Variants in DYM observed in about 807,000 individuals in gnomAD.
The protein encoded by DYM is dymeclin.
DYM carries 78 observed loss-of-function variants against 93.1 expected under a neutral mutation model. The ratio of observed to expected loss-of-function variants is 0.84; its 90% CI spans 0.70 to 1.01. The LOEUF (loss-of-function observed/expected upper bound fraction) is 1.01. Among genes scored for constraint, DYM ranks in the 50% least tolerant of loss-of-function variants. The pLI, the probability that DYM is intolerant of heterozygous loss-of-function variation, is 0.00. For missense variants in DYM, 789 were observed against 845.0 expected, an observed-to-expected ratio of 0.93 and a Z score of 0.82; for synonymous variants, 321 against 319.7, an observed-to-expected ratio of 1.00 and a Z score of -0.04.
intron 1 of DYM, among the ~76,000 whole-genome samples, chr18:49,442,454 G>A (rs2081723983): frequency 6.6e-6 from 1 of 152,062 alleles, no homozygotes; most frequent in Non-Finnish European, 1.5e-5. Context: ...GGGAGGCTGA[G>A]GTGAGAGGAT....
intron 17 of DYM, among the ~76,000 whole-genome samples, chr18:49,062,692 GA>G (rs1486953286): frequency 6.6e-6 from 1 of 152,254 alleles, no homozygotes; most frequent in Non-Finnish European, 1.5e-5. Flanking sequence ...ATTTGGAAAG[GA>G]AATAGGAGTC....
chr18:49,224,682 C>T (rs77140437), intron 13 of DYM, among the ~76,000 whole-genome samples: 1,636 of 152,144 alleles, frequency 0.011, 29 homozygotes, highest in African/African-American at 0.038. Flanking sequence ...GGTCAGTAAG[C>T]AGGTCCTCAC....
chr18:49,126,624 G>T (rs937058886), intron 15 of DYM: 1 of 150,946 alleles, frequency 6.6e-6, no homozygotes, highest in African/African-American at 2.4e-5. Flanking sequence ...CATGATTTGG[G>T]TGTCAGAATT....
chr18:49,083,339 T>G lies in DYM; in HGVS notation c.2025+14063A>C, dbSNP rs148630983. On this transcript the variant is annotated intron_variant, in intron 17 of 17. Coordinates refer to ENST00000675505, the MANE Select transcript of DYM (RefSeq NM_001353214.3). ...AGTTTTGGATATTAAACTAATTTTG[T>G]ATTCCTGGGATAAATCTGACTTGGT... Among the ~76,000 whole-genome samples the G allele has an allele frequency of 9.6e-3, 1,457 of 152,356 alleles. 12 individuals are homozygous for G. Among genetic ancestry groups the G allele is most frequent in the Non-Finnish European group, 0.013 (879 of 68,020 alleles).
At chr18:49,309,791 G>A (rs1440161829) in intron 8 of DYM, among the ~76,000 whole-genome samples, 4 of 152,154 alleles carry the variant, frequency 2.6e-5, no homozygotes, top group African/African-American at 7.2e-5. Context: ...AGGATCCTTA[G>A]GGGAATAATA....
At chr18:49,254,215 T>C (rs533595810) in intron 13 of DYM, among the ~76,000 whole-genome samples, 27 of 151,130 alleles carry the variant, frequency 1.8e-4, no homozygotes, top group Admixed American at 1.5e-3. Context: ...TTTTCTTTCA[T>C]TGTAATATTA....
chr18:49,279,093 G>A (rs1413030660), intron 10 of DYM, among the ~76,000 whole-genome samples: 1 of 152,190 alleles, frequency 6.6e-6, no homozygotes. Context: ...AAAAGAAAAT[G>A]TAAGAGTCAC....
chr18:49,256,259 T>C (rs1016893276), intron 13 of DYM, among the ~76,000 whole-genome samples: 3 of 152,076 alleles, frequency 2.0e-5, no homozygotes, highest in African/African-American at 7.2e-5. Context: ...GACTTTGAGA[T>C]GGAAGATAAT....
intron 8 of DYM, among the ~76,000 whole-genome samples, chr18:49,328,095 A>G (rs1189029454): frequency 6.6e-6 from 1 of 152,248 alleles, no homozygotes. Flanking sequence ...TCCATCATTA[A>G]AAAATTAAAA....
intron 10 of DYM, among the ~76,000 whole-genome samples, chr18:49,276,187 A>G (rs2094842671): frequency 6.6e-6 from 1 of 152,178 alleles, no homozygotes; most frequent in South Asian, 2.1e-4. Context: ...ACCATTAAAT[A>G]TGATGTGAGC....
rs116751850 is a variant in DYM, at chr18:49,114,594, T to G, written c.1911+4150A>C. 252 of 985,246 alleles carry G rather than the reference T, an allele frequency of 2.6e-4. No individual in the cohort carries two copies. The African/African-American group carries it at 4.1e-3, about 16-fold the overall frequency. The allele number at this position is 985,246 out of a possible 1,614,324, so 61.0% of individuals were successfully genotyped here. On this transcript the variant is annotated intron_variant, in intron 16 of 17. Transcript: ENST00000675505. ...TGTTTCAAATGGATGTAGTTTAAAT[T>G]CTTTGCATGGTTCTGTGTGTCCTGA...
At chr18:49,048,398 T>TA (rs1229004109) in intron 17 of DYM, 2 of 152,222 alleles carry the variant, frequency 1.3e-5, no homozygotes, top group African/African-American at 4.8e-5. Context: ...AATAACATCT[T>TA]ACATTTCGAT....
chr18:49,426,844 G>C (rs928545112), intron 2 of DYM, among the ~76,000 whole-genome samples: 1 of 151,646 alleles, frequency 6.6e-6, no homozygotes, highest in African/African-American at 2.4e-5. Context: ...AAAGGGAAAC[G>C]GGAAGTATAG....
At chr18:49,192,518 A>T (rs2091074915) in intron 14 of DYM, among the ~76,000 whole-genome samples, 1 of 152,138 alleles carries the variant, frequency 6.6e-6, no homozygotes, top group South Asian at 2.1e-4. Context: ...AACACCATTT[A>T]TTGAAGACAC....
At chr18:49,314,297 C>G (rs1326628467) in intron 8 of DYM, among the ~76,000 whole-genome samples, 1 of 152,102 alleles carries the variant, frequency 6.6e-6, no homozygotes, top group Non-Finnish European at 1.5e-5. Context: ...AAGAGTCATC[C>G]AGGTTTATAT....
At chr18:49,064,784 A>C (rs1166139121) in intron 17 of DYM, among the ~76,000 whole-genome samples, 2 of 151,606 alleles carry the variant, frequency 1.3e-5, no homozygotes, top group African/African-American at 2.4e-5. Flanking sequence ...AACTAAAATA[A>C]ATTTAGGTTT....
At position 49,393,034 on chromosome 18, in the gene DYM, A is replaced by AGGAGGAGGAGGGGAGGAGG. The variant is rs1292377042; in HGVS notation, c.141-1390_141-1389insCCTCCTCCCCTCCTCCTCC. On this transcript the variant is annotated intron_variant, in intron 2 of 17. Transcript: ENST00000675505. ...AAGAAGAAGAAGAGGAAGAAGGAGG[A>AGGAGGAGGAGGGGAGGAGG]GGAGGAGGAGGAGGAGGGGAGGAGG... Among the ~76,000 whole-genome samples the AGGAGGAGGAGGGGAGGAGG allele has an allele frequency of 1.4e-3, 133 of 96,436 alleles. 10 individuals are homozygous for AGGAGGAGGAGGGGAGGAGG. Among genetic ancestry groups the AGGAGGAGGAGGGGAGGAGG allele is most frequent in the South Asian group, 3.1e-3 (7 of 2,284 alleles). 63.3% of individuals were successfully genotyped at this position (96,436 alleles called of 152,430 possible). A position where few individuals can be genotyped will look rare whatever the true frequency, so the allele number is the denominator to read the frequency against.
rs996712692 is a variant in DYM at position 49,037,468 on chromosome 18, T to C, written c.*6587A>G. On this transcript the variant is annotated 3_prime_UTR_variant, in exon 18 of 18. Transcript: ENST00000675505. The stretch of plus-strand genomic sequence containing the variant: ...GAGGGAAGCAAGTGCTGAAAAACTT[T>C]CTATTGGGTACTATGTTCACTATCT... 6.6e-6 allele frequency among the ~76,000 whole-genome samples: 1 copy of C among 152,124 alleles called. No individual in the cohort carries two copies. Among genetic ancestry groups the C allele is most frequent in the Non-Finnish European group, 1.5e-5 (1 of 68,024 alleles).
At chr18:49,446,569 A>G (rs544486919) in intron 1 of DYM, among the ~76,000 whole-genome samples, 2 of 152,368 alleles carry the variant, frequency 1.3e-5, no homozygotes, top group East Asian at 3.9e-4. Flanking sequence ...TTATGGTTAC[A>G]TTAAGCACAA....
Sources: allele counts gnomAD v4.1 joint callset (sites outside exome capture counted in the v4.1 genomes callset), GRCh38; gene constraint gnomAD v4.1.1; transcripts MANE v1.5; gene names NCBI Gene and HGNC (gene_info 2026-07-23, HGNC 2026-07-21).